Variants in HTR2C observed in about 807,000 individuals in gnomAD.
HTR2C encodes the protein 5-hydroxytryptamine receptor 2C, also known as 5-hydroxytryptamine (serotonin) receptor 2C, G protein-coupled.
A neutral mutation model predicts 21.0 loss-of-function variants in HTR2C; 5 were observed. The observed-to-expected ratio is 0.24, with a 90% CI of 0.12 to 0.50. The LOEUF (loss-of-function observed/expected upper bound fraction) is 0.50, where lower values mean the gene tolerates loss of function less well. Ranked by LOEUF, HTR2C falls within the 20% of genes least tolerant of loss-of-function variation. The probability of loss-of-function intolerance (pLI) is 0.98; values close to 1 mark genes in which losing one functional copy is unlikely to be tolerated. For synonymous variants in HTR2C, 150 were observed against 145.3 expected, an observed-to-expected ratio of 1.03 and a Z score of -0.23; for missense variants, 271 against 371.2, an observed-to-expected ratio of 0.73 and a Z score of 2.22.
At chrX:114,791,899 G>A (rs1438565636) in intron 4 of HTR2C, among the ~76,000 whole-genome samples, 5 of 111,119 alleles carry the variant, frequency 4.5e-5, no homozygotes, top group African/African-American at 1.3e-4. Flanking sequence ...AACTTGATGC[G>A]TGATCTTTAG....
At chrX:114,748,622 T>C (rs2069728099) in intron 4 of HTR2C, among the ~76,000 whole-genome samples, 2 of 111,894 alleles carry the variant, frequency 1.8e-5, no homozygotes, top group Admixed American at 9.5e-5. Context: ...ATTAATATTT[T>C]TACTAAAAGG....
chrX:114,876,422 C>CTTTTTTTTTTTTTTTTTTTTTTT (rs60498146), intron 5 of HTR2C, among the ~76,000 whole-genome samples: 9 of 62,396 alleles, frequency 1.4e-4, no homozygotes, highest in Admixed American at 2.4e-4. Flanking sequence ...CTTTTTCTTT[C>CTTTTTTTTTTTTTTTTTTTTTTT]TTTTTTTTTT....
At chrX:114,835,473 T>C (rs1443638999) in intron 4 of HTR2C, among the ~76,000 whole-genome samples, 1 of 108,410 alleles carries the variant, frequency 9.2e-6, no homozygotes, top group Non-Finnish European at 1.9e-5. Context: ...CCATTGCTGA[T>C]ACCCTTTCTT....
chrX:114,740,028 G>A (rs1292000613), intron 4 of HTR2C, among the ~76,000 whole-genome samples: 9 of 109,789 alleles, frequency 8.2e-5, no homozygotes, highest in Non-Finnish European at 1.7e-4. Context: ...AGGATGGCTT[G>A]AGCCCTGGAG....
intron 1 of HTR2C, among the ~76,000 whole-genome samples, chrX:114,611,700 G>GTCT (rs1928740188): frequency 9.1e-6 from 1 of 110,081 alleles, no homozygotes; most frequent in African/African-American, 3.3e-5. Flanking sequence ...GTTTTTTTTA[G>GTCT]TTTTTTTCTT....
chrX:114,596,842 C>A (rs1927870431), intron 1 of HTR2C, among the ~76,000 whole-genome samples: 1 of 111,689 alleles, frequency 9.0e-6, no homozygotes, highest in African/African-American at 3.3e-5. Context: ...TCAGTCAGAT[C>A]TTAACTTGTG....
At position 114,597,063 on chromosome X, in the gene HTR2C, CA is replaced by C. The variant is rs200167776; in HGVS notation, c.-147+12409del. On this transcript the variant is annotated intron_variant, in intron 1 of 5. Transcript: ENST00000276198. ...CGAAACCCCATCTTTACTAAAAATA[CA>C]AAAATTATCCCGGCGTGGTTGTGTG... Among the ~76,000 whole-genome samples the C allele has an allele frequency of 9.0e-3, 979 of 109,369 alleles. 13 individuals are homozygous for C. The highest frequency in any genetic ancestry group is 0.03 in the African/African-American group (907 of 29,952). 95.0% of individuals were successfully genotyped at this position (109,369 alleles called of 115,157 possible). A position where few individuals can be genotyped will look rare whatever the true frequency, so the allele number is the denominator to read the frequency against.
intron 1 of HTR2C, among the ~76,000 whole-genome samples, chrX:114,593,022 G>A (rs955779945): frequency 2.7e-5 from 3 of 111,872 alleles, no homozygotes; most frequent in Middle Eastern, 4.6e-3. Flanking sequence ...AAAGATGTAC[G>A]GTTTGATTGG....
intron 2 of HTR2C, among the ~76,000 whole-genome samples, chrX:114,667,257 T>G (rs781785854): frequency 9.0e-6 from 1 of 111,296 alleles, no homozygotes; most frequent in South Asian, 3.7e-4. Context: ...TGCAGAGCTC[T>G]AATTTTATTC....
chrX:114,842,654 C>T (rs1226115314), intron 4 of HTR2C, among the ~76,000 whole-genome samples: 1 of 111,947 alleles, frequency 8.9e-6, no homozygotes, highest in Non-Finnish European at 1.9e-5. Flanking sequence ...TATTCTTCCA[C>T]CTGTGACCGG....
intron 2 of HTR2C, among the ~76,000 whole-genome samples, chrX:114,690,602 A>G (rs2147860356): frequency 9.0e-6 from 1 of 111,654 alleles, no homozygotes; most frequent in East Asian, 2.8e-4. Flanking sequence ...AAAAAAATAG[A>G]TGAACCATAA....
intron 5 of HTR2C, among the ~76,000 whole-genome samples, chrX:114,851,744 G>A (rs1218671211): frequency 2.7e-5 from 3 of 110,828 alleles, no homozygotes; most frequent in Non-Finnish European, 5.7e-5. Flanking sequence ...TTGAGCATTT[G>A]CCAGACTCAC....
chrX:114,689,012 A>T (rs1932017373), intron 2 of HTR2C, among the ~76,000 whole-genome samples: 1 of 107,969 alleles, frequency 9.3e-6, no homozygotes. Flanking sequence ...GAGTCCCCAG[A>T]GTCCATTATA....
At chrX:114,731,961 C>T (rs782635883) in intron 4 of HTR2C, among the ~76,000 whole-genome samples, 1 of 111,605 alleles carries the variant, frequency 9.0e-6, no homozygotes, top group Admixed American at 9.6e-5. Context: ...CTACTACCAT[C>T]TCTGATACAA....
intron 4 of HTR2C, among the ~76,000 whole-genome samples, chrX:114,805,525 A>C (rs1556448447): frequency 1.7e-4 from 10 of 59,017 alleles, no homozygotes; most frequent in Non-Finnish European, 1.3e-4. Flanking sequence ...TATATGCACC[A>C]TATATATATG....
intron 2 of HTR2C, among the ~76,000 whole-genome samples, chrX:114,616,058 G>C (rs1174813526): frequency 9.0e-6 from 1 of 111,280 alleles, no homozygotes; most frequent in Non-Finnish European, 1.9e-5. Flanking sequence ...GGGTATATCA[G>C]TGACATGAAA....
chrX:114,728,894 T>C (rs1463165616), intron 3 of HTR2C, among the ~76,000 whole-genome samples: 3 of 112,363 alleles, frequency 2.7e-5, no homozygotes, highest in Non-Finnish European at 5.6e-5. Context: ...TTAGAACATT[T>C]GAGGCAGACT....
intron 1 of HTR2C, among the ~76,000 whole-genome samples, chrX:114,597,480 A>T (rs1347331622): frequency 8.9e-6 from 1 of 111,951 alleles, no homozygotes; most frequent in Non-Finnish European, 1.9e-5. Context: ...AAAATGAAGG[A>T]AAAGAAACAA....
At chrX:114,609,658 G>C (rs188505513) in intron 1 of HTR2C, among the ~76,000 whole-genome samples, 4 of 112,047 alleles carry the variant, frequency 3.6e-5, no homozygotes, top group Admixed American at 2.9e-4. Context: ...TGAAGGGAAA[G>C]TTAAGAAAAT....
Sources: allele counts gnomAD v4.1 joint callset (sites outside exome capture counted in the v4.1 genomes callset), GRCh38; gene constraint gnomAD v4.1.1; transcripts MANE v1.5; gene names NCBI Gene and HGNC (gene_info 2026-07-23, HGNC 2026-07-21).